FAT3: variants seen among roughly 807,000 people sequenced by gnomAD.
FAT3 encodes the protein protocadherin Fat 3.
Under a neutral mutation model 310.2 loss-of-function variants are expected in FAT3, and 95 were observed. The ratio of observed to expected loss-of-function variants is 0.31; its 90% CI spans 0.26 to 0.36. The LOEUF is 0.36. Ranked by LOEUF, FAT3 falls within the 10% of genes least tolerant of loss-of-function variation. The pLI, the probability that FAT3 is intolerant of heterozygous loss-of-function variation, is 1.00. For missense variants in FAT3, 5,408 were observed against 5,715.6 expected (o/e 0.95, Z 1.74); for synonymous variants, 2,314 against 2,192.9 (o/e 1.06, Z -1.54).
chr11:92,324,739 A>G (rs1947721053), intron 1 of FAT3, among the ~76,000 whole-genome samples: 1 of 152,232 alleles, frequency 6.6e-6, no homozygotes, highest in South Asian at 2.1e-4. Context: ...GCAGATCTTC[A>G]ATTTATAAAA....
In FAT3 at chr11:92,765,791, G is replaced by GC. The variant is rs929666906; in HGVS notation, c.4195+702_4195+703insC. 9.5e-4 allele frequency among the ~76,000 whole-genome samples: 144 copies of GC among 150,830 alleles called. 1 individual carries two copies. The East Asian group carries it at 0.025, about 27-fold the overall frequency. Reference sequence around the variant, plus strand: ...TGATAGGGTTTGGATTTTTTTTGAGGGGGGGGTTGTTTTGACTTTTATTTC... The same window carrying GC: ...TGATAGGGTTTGGATTTTTTTTGAGGCGGGGGGTTGTTTTGACTTTTATTTC... On this transcript the variant is annotated intron_variant, in intron 6 of 27. Coordinates refer to ENST00000525166, the MANE Select transcript of FAT3 (RefSeq NM_001367949.2).
chr11:92,561,925 C>G (rs1955240954), intron 3 of FAT3, among the ~76,000 whole-genome samples: 1 of 152,142 alleles, frequency 6.6e-6, no homozygotes, highest in Non-Finnish European at 1.5e-5. Context: ...CATGCCTGGC[C>G]TACCATTTGG....
chr11:92,432,201 A>G (rs969631711), intron 2 of FAT3, among the ~76,000 whole-genome samples: 5 of 152,154 alleles, frequency 3.3e-5, no homozygotes, highest in African/African-American at 1.2e-4. Context: ...TTCTCCTTGA[A>G]GAGGTCCTTC....
intron 3 of FAT3, among the ~76,000 whole-genome samples, chr11:92,676,350 C>G (rs924480653): frequency 1.1e-4 from 16 of 152,180 alleles, no homozygotes; most frequent in African/African-American, 3.6e-4. Context: ...GGTCTTATTC[C>G]TCACCTAACA....
At chr11:92,453,215 G>C (rs1257298990) in intron 2 of FAT3, among the ~76,000 whole-genome samples, 1 of 152,132 alleles carries the variant, frequency 6.6e-6, no homozygotes, top group East Asian at 1.9e-4. Context: ...TCAGGGCCTG[G>C]AGTCAGTGAA....
intron 1 of FAT3, among the ~76,000 whole-genome samples, chr11:92,230,888 T>G (rs1208030095): frequency 6.6e-6 from 1 of 152,228 alleles, no homozygotes; most frequent in Non-Finnish European, 1.5e-5. Context: ...GTTATTAAAG[T>G]GAATATAATT....
chr11:92,765,425 G>A (rs1946279783), intron 6 of FAT3, among the ~76,000 whole-genome samples: 1 of 151,828 alleles, frequency 6.6e-6, no homozygotes, highest in South Asian at 2.1e-4. Context: ...TAGACTTGCT[G>A]TCCTTCATTT....
At chr11:92,287,803 G>A (rs1432085890) in intron 1 of FAT3, among the ~76,000 whole-genome samples, 7 of 152,156 alleles carry the variant, frequency 4.6e-5, no homozygotes, top group South Asian at 2.1e-4. Flanking sequence ...CTGCTTGGAA[G>A]TGCCAGAGGT....
intron 19 of FAT3, among the ~76,000 whole-genome samples, chr11:92,846,262 C>T (rs570212895): frequency 1.3e-5 from 2 of 152,132 alleles, no homozygotes; most frequent in Non-Finnish European, 2.9e-5. Context: ...TCTGAGAACT[C>T]ATTTATTTCT....
At chr11:92,239,854 C>A (rs964728741) in intron 1 of FAT3, among the ~76,000 whole-genome samples, 10 of 151,992 alleles carry the variant, frequency 6.6e-5, no homozygotes, top group African/African-American at 2.2e-4. Context: ...GGCTTTGGAC[C>A]CAGCTTTTCT....
intron 14 of FAT3, among the ~76,000 whole-genome samples, chr11:92,832,526 T>G (rs1948291524): frequency 6.6e-6 from 1 of 151,992 alleles, no homozygotes; most frequent in African/African-American, 2.4e-5. Context: ...CCTGCTAAAT[T>G]TTAAGCTCCT....
At chr11:92,347,552 A>G (rs780443478) in intron 1 of FAT3, among the ~76,000 whole-genome samples, 11 of 152,322 alleles carry the variant, frequency 7.2e-5, no homozygotes, top group Non-Finnish European at 1.2e-4. Context: ...TAGGTACCCT[A>G]CAGAGCCAAG....
chr11:92,509,701 CA>C, intron 2 of FAT3, among the ~76,000 whole-genome samples: 1 of 152,156 alleles, frequency 6.6e-6, no homozygotes, highest in South Asian at 2.1e-4. Context: ...AAAGATGTTC[CA>C]TGTACAATGG....
At chr11:92,425,842 A>G (rs1950620846) in intron 2 of FAT3, among the ~76,000 whole-genome samples, 2 of 152,186 alleles carry the variant, frequency 1.3e-5, no homozygotes, top group Non-Finnish European at 2.9e-5. Flanking sequence ...TCCAGTAAAC[A>G]TATGTGTGCA....
At chr11:92,697,811 G>A (rs2135908555) in intron 4 of FAT3, among the ~76,000 whole-genome samples, 1 of 152,246 alleles carries the variant, frequency 6.6e-6, no homozygotes, top group East Asian at 1.9e-4. Flanking sequence ...CCATTTATGA[G>A]GAAGCTTTGC....
intron 7 of FAT3, among the ~76,000 whole-genome samples, chr11:92,785,197 C>T (rs1946856875): frequency 1.3e-5 from 2 of 152,078 alleles, no homozygotes; most frequent in South Asian, 2.1e-4. Context: ...AGTGATAGTG[C>T]AGCCATTTAT....
At chr11:92,776,861 T>A (rs1040923877) in intron 7 of FAT3, among the ~76,000 whole-genome samples, 1 of 152,048 alleles carries the variant, frequency 6.6e-6, no homozygotes, top group African/African-American at 2.4e-5. Context: ...CATCAGGAAG[T>A]CATTACTCTG....
At chr11:92,714,290 C>G (rs1944610273) in intron 4 of FAT3, among the ~76,000 whole-genome samples, 1 of 152,150 alleles carries the variant, frequency 6.6e-6, no homozygotes, top group Non-Finnish European at 1.5e-5. Context: ...AATGCTCATT[C>G]TGAGGCTTAA....
intron 3 of FAT3, among the ~76,000 whole-genome samples, chr11:92,550,398 G>A (rs763050313): frequency 2.0e-5 from 3 of 152,198 alleles, no homozygotes; most frequent in Non-Finnish European, 4.4e-5. Flanking sequence ...TTATTTTGCA[G>A]AGGATATATC....
Sources: gnomAD v4.1 joint callset for allele counts (sites outside exome capture counted in the v4.1 genomes callset) on GRCh38, gnomAD v4.1.1 for gene constraint, MANE v1.5 for transcripts, NCBI Gene and HGNC (gene_info 2026-07-23, HGNC 2026-07-21) for gene names.